PVT1: variants seen among roughly 807,000 people sequenced by gnomAD.
PVT1 encodes Pvt1 oncogene.
intron 3 of PVT1, among the ~76,000 whole-genome samples, chr8:127,907,970 G>A (rs1247450697): frequency 6.6e-6 from 1 of 152,194 alleles, no homozygotes; most frequent in Non-Finnish European, 1.5e-5. Flanking sequence ...GCTGATTCAA[G>A]TGGCTCAGTG....
At chr8:127,968,566 G>T (rs929537944) in intron 3 of PVT1, among the ~76,000 whole-genome samples, 19 of 152,154 alleles carry the variant, frequency 1.2e-4, no homozygotes, top group African/African-American at 4.6e-4. Flanking sequence ...ACAATGAGAG[G>T]CCTGGCTTAG....
At chr8:127,844,570 A>G (rs144570757) in intron 2 of PVT1, among the ~76,000 whole-genome samples, 428 of 152,314 alleles carry the variant, frequency 2.8e-3, no homozygotes, top group African/African-American at 9.6e-3. Flanking sequence ...CTGACTTCCA[A>G]TCTTTAGAAT....
chr8:128,031,949 A>G (rs1358595436), intron 4 of PVT1, among the ~76,000 whole-genome samples: 2 of 151,916 alleles, frequency 1.3e-5, no homozygotes, highest in Non-Finnish European at 2.9e-5. Flanking sequence ...TCCCCTAATT[A>G]TTATGATAGG....
At chr8:127,981,164 T>C (rs1329866618) in intron 3 of PVT1, among the ~76,000 whole-genome samples, 1 of 152,126 alleles carries the variant, frequency 6.6e-6, no homozygotes, top group Non-Finnish European at 1.5e-5. Flanking sequence ...AACTATTATA[T>C]TTCAGGAAGT....
intron 4 of PVT1, among the ~76,000 whole-genome samples, chr8:128,034,043 A>G (rs542171782): frequency 6.7e-6 from 1 of 149,162 alleles, no homozygotes; most frequent in South Asian, 2.1e-4. Flanking sequence ...TACAGGTGGT[A>G]CCATCTGCAC....
At position 127,937,391 on chromosome 8, in the gene PVT1, G is replaced by A. The variant is rs182853387; in HGVS notation, n.782+46393G>A. ...AGCCTCCTGAGTAGCTGGGATTCCA[G>A]GTGTGTGCCATCACGCCCAGCTAAT... is the stretch of plus-strand genomic sequence containing the variant. On this transcript the variant is annotated intron_variant and non_coding_transcript_variant, in intron 3 of 10. Transcript: ENST00000651587. Among the ~76,000 whole-genome samples the A allele has an allele frequency of 5.9e-4, 89 of 151,960 alleles. 1 individual carries two copies. The East Asian group carries it at 0.016, about 28-fold the overall frequency.
intron 3 of PVT1, among the ~76,000 whole-genome samples, chr8:127,912,326 C>T (rs1220095765): frequency 6.6e-6 from 1 of 152,146 alleles, no homozygotes; most frequent in African/African-American, 2.4e-5. Context: ...ACACAGGCAA[C>T]CACCCTATAA....
chr8:128,063,068 A>C (rs919847881), intron 4 of PVT1, among the ~76,000 whole-genome samples: 2 of 152,206 alleles, frequency 1.3e-5, no homozygotes, highest in Admixed American at 6.5e-5. Context: ...AATCCCTAGC[A>C]CAGTACTTGG....
intron 3 of PVT1, among the ~76,000 whole-genome samples, chr8:127,935,601 T>G (rs948628479): frequency 5.9e-5 from 9 of 152,046 alleles, no homozygotes; most frequent in Non-Finnish European, 4.4e-5. Flanking sequence ...AGGGGTCTGG[T>G]CCAAAGCCTA....
At chr8:127,996,363 T>G (rs1403542191) in intron 4 of PVT1, among the ~76,000 whole-genome samples, 1 of 151,526 alleles carries the variant, frequency 6.6e-6, no homozygotes, top group African/African-American at 2.4e-5. Flanking sequence ...TGGAACTGTT[T>G]CCTTTTTAGT....
chr8:127,975,077 A>G (rs1816808897), intron 3 of PVT1, among the ~76,000 whole-genome samples: 1 of 152,244 alleles, frequency 6.6e-6, no homozygotes, highest in Non-Finnish European at 1.5e-5. Context: ...GTTGTTAAAA[A>G]TTAAAGTGCC....
intron 4 of PVT1, among the ~76,000 whole-genome samples, chr8:128,051,593 T>A (rs1563675784): frequency 6.6e-6 from 1 of 152,222 alleles, no homozygotes; most frequent in Non-Finnish European, 1.5e-5. Flanking sequence ...TTCAGTTCAC[T>A]TGATGGTGTC....
chr8:127,933,962 C>T (rs1816242687), intron 3 of PVT1, among the ~76,000 whole-genome samples: 1 of 152,180 alleles, frequency 6.6e-6, no homozygotes, highest in African/African-American at 2.4e-5. Flanking sequence ...GTTCCAGCCT[C>T]ACAGCTAACT....
intron 4 of PVT1, among the ~76,000 whole-genome samples, chr8:128,024,459 C>CAA (rs36077321): frequency 2.0e-5 from 3 of 151,450 alleles, no homozygotes; most frequent in African/African-American, 7.3e-5. Context: ...CCTGTTTCTA[C>CAA]AAAAAAAATA....
At chr8:127,821,180 T>G (rs906533476) in intron 2 of PVT1, among the ~76,000 whole-genome samples, 2 of 152,180 alleles carry the variant, frequency 1.3e-5, no homozygotes, top group Non-Finnish European at 2.9e-5. Context: ...CCCGTCCGCA[T>G]TTTTAACGTG....
chr8:127,825,110 C>A (rs1814772151), intron 2 of PVT1, among the ~76,000 whole-genome samples: 3 of 106,238 alleles, frequency 2.8e-5, no homozygotes, highest in South Asian at 6.1e-4. Context: ...CAGAGCCAAA[C>A]ACTAGCTAAA....
At position 127,966,659 on chromosome 8, in the gene PVT1, G is replaced by A. The variant is rs1586459342; in HGVS notation, n.783-22503G>A. ...CTGGGGCTGTAGCAGCTGAGGGACT[G>A]CAATTTTTGTGTGAATTAATTTCAA... On this transcript the variant is annotated intron_variant and non_coding_transcript_variant, in intron 3 of 10. Coordinates refer to ENST00000651587, the Ensembl canonical transcript of PVT1. 3.3e-5 allele frequency among the ~76,000 whole-genome samples: 5 copies of A among 152,310 alleles called. No individual in the cohort carries two copies. The East Asian group carries it at 9.6e-4, about 29-fold the overall frequency.
At chr8:128,001,187 C>T (rs369442585) in intron 4 of PVT1, among the ~76,000 whole-genome samples, 12 of 152,278 alleles carry the variant, frequency 7.9e-5, no homozygotes, top group East Asian at 3.9e-4. Flanking sequence ...GTCTGCACCC[C>T]GTTTGGCTGC....
chr8:127,926,561 G>T (rs1375820515), intron 3 of PVT1, among the ~76,000 whole-genome samples: 1 of 152,198 alleles, frequency 6.6e-6, no homozygotes, highest in Admixed American at 6.5e-5. Context: ...CCATGGTGCG[G>T]TTCATGTTCC....
Sources: gnomAD v4.1 joint callset for allele counts (sites outside exome capture counted in the v4.1 genomes callset) on GRCh38, gnomAD v4.1.1 for gene constraint, MANE v1.5 for transcripts, NCBI Gene and HGNC (gene_info 2026-07-23, HGNC 2026-07-21) for gene names.